GTF2IRD1: variants seen among roughly 807,000 people sequenced by gnomAD.
The protein encoded by GTF2IRD1 is GTF2I repeat domain containing 1.
In GTF2IRD1, 26 loss-of-function variants were observed where a neutral mutation model predicts 113.2. The ratio of observed to expected loss-of-function variants is 0.23; its 90% CI spans 0.17 to 0.32. The LOEUF (loss-of-function observed/expected upper bound fraction) is 0.32. GTF2IRD1 is among the 10% of genes least tolerant of loss of function. GTF2IRD1 has a pLI of 1.00. For synonymous variants in GTF2IRD1, 484 were observed against 529.1 expected, an observed-to-expected ratio of 0.91 and a Z score of 1.17; for missense variants, 864 against 1,280.8, an observed-to-expected ratio of 0.67 and a Z score of 4.97.
At chr7:74,455,130 G>A (rs1485179660) in intron 1 of GTF2IRD1, among the ~76,000 whole-genome samples, 5 of 152,154 alleles carry the variant, frequency 3.3e-5, no homozygotes, top group Admixed American at 2.6e-4. Flanking sequence ...AAGGTCCTGC[G>A]GTGGGAGTCT....
At chr7:74,592,406 C>T (rs1802113204) in intron 24 of GTF2IRD1, among the ~76,000 whole-genome samples, 1 of 150,930 alleles carries the variant, frequency 6.6e-6, no homozygotes, top group Non-Finnish European at 1.5e-5. Context: ...CACCCAGCCC[C>T]CCCTTTTTTT....
chr7:74,458,366 GA>G (rs1283476612), intron 1 of GTF2IRD1, among the ~76,000 whole-genome samples: 1 of 152,154 alleles, frequency 6.6e-6, no homozygotes, highest in Non-Finnish European at 1.5e-5. Flanking sequence ...GATTGCTGGT[GA>G]GGGGGTAACA....
intron 22 of GTF2IRD1, among the ~76,000 whole-genome samples, chr7:74,585,235 C>T (rs1781492639): frequency 6.6e-6 from 1 of 151,550 alleles, no homozygotes; most frequent in Non-Finnish European, 1.5e-5. Context: ...CTTCAGCCTC[C>T]TGAGTAACTG....
intron 1 of GTF2IRD1, among the ~76,000 whole-genome samples, chr7:74,466,221 C>G (rs1223668767): frequency 6.6e-6 from 1 of 152,186 alleles, no homozygotes; most frequent in Non-Finnish European, 1.5e-5. Flanking sequence ...GCGGGGGCTA[C>G]CTGTGGCTGC....
chr7:74,594,236 C>G (rs118167655), intron 24 of GTF2IRD1, among the ~76,000 whole-genome samples: 4 of 151,312 alleles, frequency 2.6e-5, no homozygotes, highest in African/African-American at 9.7e-5. Flanking sequence ...AAAAATTAGC[C>G]GGGCATGGTG....
chr7:74,468,911 C>T (rs1793912916), intron 1 of GTF2IRD1, among the ~76,000 whole-genome samples: 1 of 151,420 alleles, frequency 6.6e-6, no homozygotes, highest in Non-Finnish European at 1.5e-5. Flanking sequence ...GGTGAAACCC[C>T]GTCTCTACTA....
intron 9 of GTF2IRD1, among the ~76,000 whole-genome samples, chr7:74,531,744 G>A (rs975697119): frequency 2.0e-5 from 3 of 152,018 alleles, no homozygotes; most frequent in South Asian, 2.1e-4. Context: ...AGTGGGGGGA[G>A]CCAGGAGGTA....
chr7:74,538,207 G>A (rs1554350702), intron 12 of GTF2IRD1, 34 bp downstream of exon 12: 2 of 1,603,632 alleles, frequency 1.2e-6, no homozygotes, highest in Admixed American at 3.3e-5. Flanking sequence ...TGTGTGTGGT[G>A]GGCCGGGAGG....
At chr7:74,557,505 T>C in intron 19 of GTF2IRD1, 134 bp from the exon 20 acceptor site, 1 of 616,726 alleles carries the variant, frequency 1.6e-6, no homozygotes, top group Non-Finnish European at 2.9e-6. Context: ...CTGAAGGACC[T>C]GAGGGGCCCA....
chr7:74,556,727 G>T (rs1292765190), intron 19 of GTF2IRD1, among the ~76,000 whole-genome samples: 2 of 145,192 alleles, frequency 1.4e-5, no homozygotes, highest in Non-Finnish European at 3.0e-5. Context: ...AGGTTCAAGG[G>T]GTTCTCTTGC....
intron 22 of GTF2IRD1, among the ~76,000 whole-genome samples, chr7:74,569,008 C>T (rs1436179548): frequency 2.6e-5 from 4 of 152,142 alleles, no homozygotes; most frequent in Admixed American, 6.6e-5. Context: ...GGAAATAAGA[C>T]GGGAGCAGGG....
At chr7:74,582,772 A>G (rs1229239393) in intron 22 of GTF2IRD1, among the ~76,000 whole-genome samples, 1 of 152,158 alleles carries the variant, frequency 6.6e-6, no homozygotes, top group Non-Finnish European at 1.5e-5. Flanking sequence ...CAGGCATTCA[A>G]GCAGGGGCTT....
chr7:74,579,993 GCACT>G (rs1801314944), intron 22 of GTF2IRD1, among the ~76,000 whole-genome samples: 1 of 152,140 alleles, frequency 6.6e-6, no homozygotes, highest in Non-Finnish European at 1.5e-5. Flanking sequence ...AGGCTCATGA[GCACT>G]GGCCTGGGCA....
At chr7:74,524,671 G>C (rs1797496923) in intron 8 of GTF2IRD1, among the ~76,000 whole-genome samples, 1 of 152,200 alleles carries the variant, frequency 6.6e-6, no homozygotes, top group Non-Finnish European at 1.5e-5. Flanking sequence ...TTCAAGGCCA[G>C]CCTGGCCAAC....
Position 74,547,236 on chromosome 7 carries a change from G to A in GTF2IRD1, c.1866G>A (p.Lys622=), listed in dbSNP as rs782717036. The A allele has an allele frequency of 1.2e-6, 2 of 1,613,234 alleles. No homozygotes were observed. The highest frequency in any genetic ancestry group is 8.5e-7 in the Non-Finnish European group (1 of 1,179,826). Residue 622 remains lysine (K), a synonymous_variant, in exon 17 of 27, where the codon AAG becomes AAA. Transcript: ENST00000424337. ...LRRPNCFGIA[K]LRKILEASNS... ...GGCCCAACTGCTTCGGGATCGCCAA[G>A]CTCCGGAAGATTCTGGAGGCCAGCA... is the stretch of plus-strand genomic sequence containing the variant.
At chr7:74,525,895 T>C (rs1266273144) in intron 8 of GTF2IRD1, among the ~76,000 whole-genome samples, 3 of 152,086 alleles carry the variant, frequency 2.0e-5, no homozygotes, top group East Asian at 3.9e-4. Flanking sequence ...TGTGACCACG[T>C]CTGGGGCAGC....
intron 17 of GTF2IRD1, among the ~76,000 whole-genome samples, chr7:74,548,315 A>G (rs1799082811): frequency 6.6e-6 from 1 of 152,064 alleles, no homozygotes; most frequent in South Asian, 2.1e-4. Flanking sequence ...CCAGCTACTC[A>G]GGAGGCTGAG....
At chr7:74,558,745 C>T (rs1171010727) in intron 20 of GTF2IRD1, 116 bp from the exon 21 acceptor site, 6 of 710,906 alleles carry the variant, frequency 8.4e-6, no homozygotes, top group East Asian at 2.7e-5. Flanking sequence ...AGAGCTTTCT[C>T]GTACCATTCA....
chr7:74,540,029 A>G, intron 14 of GTF2IRD1, 61 bp downstream of exon 14: 5 of 1,251,130 alleles, frequency 4.0e-6, no homozygotes, highest in East Asian at 4.7e-5. Context: ...GCAAAGGGAA[A>G]GGGGTGGGCC....
Sources: gnomAD v4.1 joint callset for allele counts (sites outside exome capture counted in the v4.1 genomes callset) on GRCh38, gnomAD v4.1.1 for gene constraint, MANE v1.5 for transcripts, NCBI Gene and HGNC (gene_info 2026-07-23, HGNC 2026-07-21) for gene names.